SLC3A2: variants seen among roughly 807,000 people sequenced by gnomAD.
SLC3A2 encodes the protein solute carrier family 3 member 2.
SLC3A2 carries 32 observed loss-of-function variants against 48.5 expected under a neutral mutation model. The observed-to-expected ratio is 0.66, with a 90% CI of 0.50 to 0.89. The LOEUF (loss-of-function observed/expected upper bound fraction) is 0.89, where lower values mean the gene tolerates loss of function less well. Ranked by LOEUF, SLC3A2 falls within the 40% of genes least tolerant of loss-of-function variation. The pLI, the probability that SLC3A2 is intolerant of heterozygous loss-of-function variation, is 0.00. For missense variants in SLC3A2, 587 were observed against 680.7 expected (o/e 0.86, Z 1.53); for synonymous variants, 277 against 288.8 (o/e 0.96, Z 0.41).
chr11:62,867,053 T>G (rs991890131), intron 1 of SLC3A2, among the ~76,000 whole-genome samples: 1 of 151,982 alleles, frequency 6.6e-6, no homozygotes, highest in Non-Finnish European at 1.5e-5. Flanking sequence ...TGCGATGGAC[T>G]GATCTCGGCT....
chr11:62,881,471 C>G lies in SLC3A2; in HGVS notation c.424+24C>G, dbSNP rs755828779. On this transcript the variant is annotated intron_variant, in intron 1 of 8. Coordinates refer to ENST00000338663, the MANE Select transcript of SLC3A2 (RefSeq NM_001013251.3). This position sits in a 1 kb window ranked among gnomAD's most constrained non-coding sequence, Gnocchi z 4.0. ...GGGTGAGTGCAGCGCGCCCCCGTCC[C>G]GGGTACCTCCGGTTGAATCTGGTGG... 4 of 1,544,944 alleles carry G rather than the reference C, an allele frequency of 2.6e-6. No individual in the cohort carries two copies. The highest frequency in any genetic ancestry group is 1.4e-5 in the African/African-American group (1 of 73,598).
rs1258282908 is a variant in SLC3A2 at position 62,881,780 on chromosome 11, C to T, written c.425-113C>T. 1 of 1,231,368 alleles carries T rather than the reference C, an allele frequency of 8.1e-7. No homozygotes were observed. The highest frequency in any genetic ancestry group is 1.4e-5 in the South Asian group (1 of 69,836). 76.3% of individuals were successfully genotyped at this position (1,231,368 alleles called of 1,614,324 possible). On this transcript the variant is annotated intron_variant, in intron 1 of 8. Coordinates refer to ENST00000338663, the MANE Select transcript of SLC3A2 (RefSeq NM_001013251.3). This position sits in a 1 kb window ranked among gnomAD's most constrained non-coding sequence, Gnocchi z 4.0. ...TCTCGTGATTCAGCCTTGCCTCCCT[C>T]TCTCCCCCTTTGCCCCCTCCCCGTC...
chr11:62,884,562 C>T (rs758567765), intron 4 of SLC3A2, 37 bp downstream of exon 4: 41 of 1,613,680 alleles, frequency 2.5e-5, no homozygotes, highest in South Asian at 2.4e-4. Flanking sequence ...AAAGCTTGGG[C>T]GAGAACAGAG....
intron 7 of SLC3A2, 167 bp from the exon 8 acceptor site, chr11:62,887,968 A>C: frequency 3.4e-6 from 2 of 594,634 alleles, no homozygotes; most frequent in South Asian, 4.1e-5. Flanking sequence ...AATTTTTAAA[A>C]ATTTTGTAGT....
Position 62,881,648 on chromosome 11 carries a change from G to A in SLC3A2, c.424+201G>A. 1.1e-6 allele frequency: 1 copy of A among 879,152 alleles called. No homozygotes were observed. Among genetic ancestry groups the A allele is most frequent in the Non-Finnish European group, 1.6e-6 (1 of 613,974 alleles). The allele number at this position is 879,152 out of a possible 1,614,324, so 54.5% of individuals were successfully genotyped here. ...AGAAAGCCGACCCGCCCCTCACTCC[G>A]TCACGAGGGTGGGTGACTCAGCGTC... On this transcript the variant is annotated intron_variant, in intron 1 of 8. Coordinates refer to ENST00000338663, the MANE Select transcript of SLC3A2 (RefSeq NM_001013251.3). The surrounding 1 kb of genome is among the most constrained non-coding windows in gnomAD (Gnocchi z 4.0).
At chr11:62,858,641 G>T (rs1295013314) in intron 1 of SLC3A2, among the ~76,000 whole-genome samples, 1 of 152,112 alleles carries the variant, frequency 6.6e-6, no homozygotes, top group Non-Finnish European at 1.5e-5. Flanking sequence ...GGGAACCAGC[G>T]TTCAGCATAT....
chr11:62,877,734 A>G (rs537986253), upstream of SLC3A2, among the ~76,000 whole-genome samples: 1 of 152,370 alleles, frequency 6.6e-6, no homozygotes, highest in Admixed American at 6.5e-5. Context: ...TCTGCCTGAA[A>G]AAGCCTGGTG....
chr11:62,882,585 A>G (rs1473184497), intron 2 of SLC3A2: 3 of 318,410 alleles, frequency 9.4e-6, no homozygotes, highest in Non-Finnish European at 6.1e-6. Flanking sequence ...CCAGGGTTCA[A>G]GCGATTCTCG....
chr11:62,882,034 T>C lies in SLC3A2; in HGVS notation c.566T>C (p.Phe189Ser). 1 of 1,614,218 alleles carries C rather than the reference T, an allele frequency of 6.2e-7. No homozygotes were observed. Among genetic ancestry groups the C allele is most frequent in the Non-Finnish European group, 8.5e-7 (1 of 1,180,044 alleles). Residue 189 changes from phenylalanine (F) to serine (S), a missense_variant, in exon 2 of 9, where the codon TTT becomes TCT. Phe to Ser is a radical substitution (Grantham distance 155). Around this residue, in one of 3 missense-constraint regions of SLC3A2, gnomAD observed 409 missense variants for 446.7 expected, o/e 0.92. Transcript: ENST00000338663. ...IDPNFGSKED[F>S]DSLLQSAKKK... ...CCCAATTTTGGCTCCAAGGAAGATT[T>C]TGACAGTCTCTTGCAATCGGCTAAA...
chr11:62,868,131 A>G (rs10897301), intron 1 of SLC3A2, among the ~76,000 whole-genome samples: 13,583 of 151,992 alleles, frequency 0.089, 780 homozygotes, highest in African/African-American at 0.15. Flanking sequence ...AGTGTGGTCC[A>G]GGCTGGTCTC....
At position 62,856,340 on chromosome 11, in the gene SLC3A2, CG is replaced by C. The variant is rs776276617; in HGVS notation, c.73del (p.Glu25ArgfsTer16). 85 of 1,613,194 alleles carry C rather than the reference CG, an allele frequency of 5.3e-5. No homozygotes were observed. In the East Asian group the frequency reaches 1.9e-3, roughly 36 times the overall value. ...CCGCGCCAGTTGCCTGGCTCACATT[CG>C]GAGGCTGGTGTCCAGGGTCTCAGCG... On this transcript the variant is annotated frameshift_variant, in exon 1 of 10. Transcript: ENST00000377889. LOFTEE classifies it high-confidence loss of function.
intron 1 of SLC3A2, among the ~76,000 whole-genome samples, chr11:62,868,838 C>G (rs1442658250): frequency 6.6e-6 from 1 of 152,106 alleles, no homozygotes; most frequent in African/African-American, 2.4e-5. Flanking sequence ...TTAATTTGCA[C>G]TTTCCAGATT....
At chr11:62,867,147 C>T (rs866404117) in intron 1 of SLC3A2, among the ~76,000 whole-genome samples, 4 of 151,432 alleles carry the variant, frequency 2.6e-5, no homozygotes, top group African/African-American at 7.3e-5. Flanking sequence ...TGCGCTACCA[C>T]GCCCAGCTAA....
chr11:62,879,576 G>C (rs963526600), upstream of SLC3A2, among the ~76,000 whole-genome samples: 3 of 152,232 alleles, frequency 2.0e-5, no homozygotes, highest in African/African-American at 7.2e-5. Context: ...CCTAGGGTGG[G>C]GATGGGGTTG....
At chr11:62,870,431 G>A (rs911805076) in intron 1 of SLC3A2, among the ~76,000 whole-genome samples, 6 of 151,284 alleles carry the variant, frequency 4.0e-5, no homozygotes, top group African/African-American at 9.8e-5. Context: ...TGATCCGCCC[G>A]CCTTGGCTTC....
At chr11:62,886,816 C>T (rs987563275) in intron 7 of SLC3A2, among the ~76,000 whole-genome samples, 1 of 152,162 alleles carries the variant, frequency 6.6e-6, no homozygotes, top group African/African-American at 2.4e-5. Flanking sequence ...CCAGGCTGGT[C>T]TCCAACTCCT....
chr11:62,871,602 G>T, intron 1 of SLC3A2: 1 of 656,210 alleles, frequency 1.5e-6, no homozygotes. Context: ...GTGTTACCCA[G>T]GCTGGTCTTC....
At chr11:62,878,180 A>C (rs1040163848), upstream of SLC3A2, among the ~76,000 whole-genome samples, 1 of 151,888 alleles carries the variant, frequency 6.6e-6, no homozygotes. Flanking sequence ...AACAAAAAAC[A>C]AAAGGAATTG....
intron 1 of SLC3A2, among the ~76,000 whole-genome samples, chr11:62,862,092 G>C (rs1206351310): frequency 6.6e-6 from 1 of 151,626 alleles, no homozygotes; most frequent in Non-Finnish European, 1.5e-5. Context: ...CAAGGCAGGC[G>C]GATTACCTGA....
Sources: allele counts gnomAD v4.1 joint callset (sites outside exome capture counted in the v4.1 genomes callset), GRCh38; gene constraint gnomAD v4.1.1; regional missense constraint gnomAD v4.1.1; non-coding constraint Gnocchi (gnomAD v3.1); transcripts MANE v1.5; gene names NCBI Gene and HGNC (gene_info 2026-07-23, HGNC 2026-07-21).